The following FN1 variants were observed in gnomAD, a reference collection of about 807,000 sequenced individuals.
The protein encoded by FN1 is fibronectin 1, also known as fibronectin.
A neutral mutation model predicts 297.3 loss-of-function variants in FN1; 106 were observed. The observed-to-expected ratio is 0.36, with a 90% CI of 0.30 to 0.42. The LOEUF (loss-of-function observed/expected upper bound fraction) is 0.42, where lower values mean the gene tolerates loss of function less well. FN1 is among the 10% of genes least tolerant of loss of function. The pLI, the probability that FN1 is intolerant of heterozygous loss-of-function variation, is 1.00. For synonymous variants in FN1, 1,149 were observed against 1,152.6 expected, an observed-to-expected ratio of 1.00 and a Z score of 0.06; for missense variants, 2,690 against 3,124.9, an observed-to-expected ratio of 0.86 and a Z score of 3.32.
chr2:215,365,667 T>A, intron 42 of FN1, 37 bp from the exon 43 acceptor site: 1 of 1,610,740 alleles, frequency 6.2e-7, no homozygotes, highest in Non-Finnish European at 8.5e-7. Context: ...AAAAAGTTAT[T>A]TGTATATTCT....
Position 215,378,278 on chromosome 2 carries a change from C to T in FN1, c.5623-16G>A. ...TGGTGGCCACCTAGAGAAATAAGGG[C>T]ATGGTGAGCTTTAGCAACGTCCTCA... On this transcript the variant is annotated splice_polypyrimidine_tract_variant and intron_variant, in intron 34 of 45. Coordinates refer to ENST00000354785, the MANE Select transcript of FN1 (RefSeq NM_212482.4). 1.3e-6 allele frequency: 2 copies of T among 1,499,202 alleles called. No homozygotes were observed. Among genetic ancestry groups the T allele is most frequent in the Non-Finnish European group, 1.9e-6 (2 of 1,077,120 alleles). 92.9% of individuals were successfully genotyped at this position (1,499,202 alleles called of 1,614,324 possible).
At chr2:215,403,367 T>C (rs1472147533) in intron 20 of FN1, among the ~76,000 whole-genome samples, 1 of 152,230 alleles carries the variant, frequency 6.6e-6, no homozygotes, top group Non-Finnish European at 1.5e-5. Context: ...ATCAATTCCA[T>C]AGTTATTTAC....
At chr2:215,361,859 T>TTG in intron 45 of FN1, 110 bp downstream of exon 45, 1 of 1,440,600 alleles carries the variant, frequency 6.9e-7, no homozygotes. Flanking sequence ...CATTTATGAG[T>TTG]TGTTTTTTTT....
intron 30 of FN1, 145 bp downstream of exon 30, chr2:215,383,875 C>G (rs2058550845): frequency 1.1e-6 from 1 of 875,444 alleles, no homozygotes; most frequent in Non-Finnish European, 1.8e-6. Flanking sequence ...GCTCAAAACT[C>G]TGTTCGCTGC....
At chr2:215,410,279 CGTTAGATATA>C (rs942350767) in intron 13 of FN1, among the ~76,000 whole-genome samples, 165 bp from the exon 14 acceptor site, 8 of 152,094 alleles carry the variant, frequency 5.3e-5, no homozygotes, top group Non-Finnish European at 8.8e-5. Context: ...ATGGTTATAT[CGTTAGATATA>C]GTTAGATATA....
chr2:215,384,484 T>C (rs1575413055), intron 29 of FN1: 1 of 446,380 alleles, frequency 2.2e-6, no homozygotes, highest in East Asian at 4.1e-5. Context: ...CAGGATTGCA[T>C]GCATTGTGTC....
At chr2:215,415,799 T>A (rs10207245) in intron 12 of FN1, among the ~76,000 whole-genome samples, 50,679 of 151,974 alleles carry the variant, frequency 0.33, 9,859 homozygotes, top group South Asian at 0.53. Context: ...CATCAATTTC[T>A]AAGTAGTGTT....
At chr2:215,373,810 C>T (rs567280313) in intron 38 of FN1, among the ~76,000 whole-genome samples, 1 of 151,638 alleles carries the variant, frequency 6.6e-6, no homozygotes, top group South Asian at 2.1e-4. Flanking sequence ...ACCCGAGTAG[C>T]TGGGACTACA....
chr2:215,423,292 T>C (rs2064764151), intron 9 of FN1, 58 bp downstream of exon 9: 8 of 1,573,622 alleles, frequency 5.1e-6, no homozygotes, highest in East Asian at 4.5e-5. Context: ...CACTAGTCTT[T>C]AGTCTCTACT....
intron 10 of FN1, chr2:215,421,148 A>T (rs1321778507): frequency 6.0e-6 from 2 of 335,732 alleles, no homozygotes; most frequent in East Asian, 1.6e-4. Flanking sequence ...ATTTCCTTTA[A>T]ATATCTGCTT....
rs547460260 is a variant in FN1 at position 215,430,921 on chromosome 2, T to G, written c.548-69A>C. 1.5e-4 allele frequency: 230 copies of G among 1,557,988 alleles called. 1 individual carries two copies. The highest frequency in any genetic ancestry group is 6.2e-6 in the Non-Finnish European group (7 of 1,135,422). ...TGAATTGTGCAAGCTCCCTGTAATT[T>G]AAAGTGTAGTGTGTAAGCAAAAATT... is the stretch of plus-strand genomic sequence containing the variant. On this transcript the variant is annotated intron_variant, in intron 4 of 45. Coordinates refer to ENST00000354785, the MANE Select transcript of FN1 (RefSeq NM_212482.4).
At chr2:215,365,966 A>ATTTTTTTT (rs559516647) in intron 42 of FN1, among the ~76,000 whole-genome samples, 54 of 90,332 alleles carry the variant, frequency 6.0e-4, no homozygotes, top group African/African-American at 1.7e-3. Context: ...CCACAGTGCT[A>ATTTTTTTT]TTTTTTTTTT....
At chr2:215,423,598 G>A (rs568573896) in intron 8 of FN1, 72 bp from the exon 9 acceptor site, 50 of 1,394,122 alleles carry the variant, frequency 3.6e-5, no homozygotes, top group Non-Finnish European at 4.9e-5. Flanking sequence ...AGAATTACTG[G>A]TCTGAGAGAG....
At position 215,397,118 on chromosome 2, in the gene FN1, T is replaced by C; in HGVS notation, c.3604+19A>G. On this transcript the variant is annotated intron_variant, in intron 23 of 45. Transcript: ENST00000354785. ...GAAGGTATGGTGTATACTTGCCCTC[T>C]GATCCATCCCAAACTTACCTGGGGT... 1 of 1,546,056 alleles carries C rather than the reference T, an allele frequency of 6.5e-7. No individual in the cohort carries two copies. Among genetic ancestry groups the C allele is most frequent in the Non-Finnish European group, 8.9e-7 (1 of 1,117,806 alleles).
chr2:215,372,517 C>T, intron 39 of FN1, 142 bp from the exon 40 acceptor site: 2 of 691,410 alleles, frequency 2.9e-6, no homozygotes, highest in Non-Finnish European at 5.2e-6. Flanking sequence ...TCTGAGATCA[C>T]AAAACACTTT....
chr2:215,425,170 C>T lies in FN1; in HGVS notation c.960G>A (p.Met320Ile). ...TATTTCCTTGTGTCTTCAGCCACTGCATCCCCACAGAGTAGACCACACCAC... is the reference window on the plus strand; with the variant it reads ...TATTTCCTTGTGTCTTCAGCCACTGTATCCCCACAGAGTAGACCACACCAC... ...TDSGVVYSVG[M>I]QWLKTQGNKQ... Residue 320 changes from methionine (M) to isoleucine (I), a missense_variant, in exon 7 of 46, where the codon ATG (methionine) becomes ATA (isoleucine). Met to Ile is a conservative substitution (Grantham distance 10). Transcript: ENST00000354785. 1 of 1,614,224 alleles carries T rather than the reference C, an allele frequency of 6.2e-7. No individual in the cohort carries two copies. The highest frequency in any genetic ancestry group is 8.5e-7 in the Non-Finnish European group (1 of 1,180,038).
intron 38 of FN1, among the ~76,000 whole-genome samples, chr2:215,374,972 G>A (rs529173934): frequency 1.5e-4 from 23 of 152,318 alleles, no homozygotes; most frequent in Admixed American, 4.6e-4. Flanking sequence ...AACTTGCAGC[G>A]AAAGGAAAAC....
chr2:215,422,955 T>C (rs2064683828), intron 9 of FN1, among the ~76,000 whole-genome samples: 1 of 152,154 alleles, frequency 6.6e-6, no homozygotes, highest in Middle Eastern at 3.2e-3. Context: ...ACCACAACCA[T>C]GTGTCAATAT....
chr2:215,409,711 G>C lies in FN1; in HGVS notation c.2151C>G (p.Pro717=). 1 of 1,614,124 alleles carries C rather than the reference G, an allele frequency of 6.2e-7. No individual in the cohort carries two copies. Among genetic ancestry groups the C allele is most frequent in the Non-Finnish European group, 8.5e-7 (1 of 1,180,002 alleles). Residue 717 remains proline (P), a synonymous_variant, in exon 15 of 46, where the codon CCC becomes CCG. Coordinates refer to ENST00000354785, the MANE Select transcript of FN1 (RefSeq NM_212482.4). ...CAGAAGTGGCCACAAGAGGAGAAAA[G>C]GGAGTCGTCTCTCCTGTCACGGTGT... ...TSNTVTGETT[P]FSPLVATSES... is the part of the protein sequence containing the mutation.
Sources: allele counts gnomAD v4.1 joint callset (sites outside exome capture counted in the v4.1 genomes callset), GRCh38; gene constraint gnomAD v4.1.1; transcripts MANE v1.5; gene names NCBI Gene and HGNC (gene_info 2026-07-23, HGNC 2026-07-21).